The following NREP variants were observed in gnomAD, a reference collection of about 807,000 sequenced individuals.
NREP encodes neuronal regeneration-related protein.
In NREP, 5 loss-of-function variants were observed where a neutral mutation model predicts 8.6. The ratio of observed to expected loss-of-function variants is 0.58; its 90% confidence interval spans 0.30 to 1.22. NREP has a LOEUF of 1.22. NREP is among the 50% of genes most tolerant of loss of function. The probability of loss-of-function intolerance (pLI) is 0.07; values close to 1 mark genes in which losing one functional copy is unlikely to be tolerated. For missense variants in NREP, 86 were observed against 82.5 expected (o/e 1.04, Z -0.17); for synonymous variants, 27 against 28.0 (o/e 0.96, Z 0.11).
At chr5:111,883,231 A>G (rs1320611070) in intron 2 of NREP, among the ~76,000 whole-genome samples, 1 of 151,964 alleles carries the variant, frequency 6.6e-6, no homozygotes, top group Non-Finnish European at 1.5e-5. Flanking sequence ...AGACAAAGCC[A>G]TTACATAATG....
At chr5:111,828,677 GTTA>G (rs1294474580) in intron 2 of NREP, among the ~76,000 whole-genome samples, 4 of 151,984 alleles carry the variant, frequency 2.6e-5, no homozygotes, top group African/African-American at 4.8e-5. Context: ...GTGGAGTGGT[GTTA>G]TTATTAATAA....
At chr5:111,808,318 G>A (rs949470054) in intron 2 of NREP, among the ~76,000 whole-genome samples, 2 of 152,144 alleles carry the variant, frequency 1.3e-5, no homozygotes, top group African/African-American at 4.8e-5. Context: ...TCTATCTCAG[G>A]CAGAACTGTA....
At position 111,962,113 on chromosome 5, in the gene NREP, G is replaced by C. The variant is rs55706925; in HGVS notation, c.135+13161C>G. Among the ~76,000 whole-genome samples the C allele has an allele frequency of 6.2e-3, 941 of 152,272 alleles. 8 individuals carry two copies. Among genetic ancestry groups the C allele is most frequent in the South Asian group, 0.02 (98 of 4,830 alleles). On this transcript the variant is annotated intron_variant, in intron 2 of 3. Coordinates refer to the NREP transcript ENST00000395634. Reference sequence around the variant, plus strand: ...AAGCTCAGGTTGCCTAAATAGTTCAGTGCTGTAAATAGTTCAGTTCCAGTA... The same window carrying C: ...AAGCTCAGGTTGCCTAAATAGTTCACTGCTGTAAATAGTTCAGTTCCAGTA...
intron 2 of NREP, among the ~76,000 whole-genome samples, chr5:111,940,993 T>G (rs1160018048): frequency 6.6e-6 from 1 of 152,114 alleles, no homozygotes; most frequent in African/African-American, 2.4e-5. Flanking sequence ...AAAGTACATT[T>G]ATGTTTTATA....
At chr5:111,933,470 G>A (rs1755598581) in intron 2 of NREP, among the ~76,000 whole-genome samples, 1 of 152,054 alleles carries the variant, frequency 6.6e-6, no homozygotes, top group African/African-American at 2.4e-5. Flanking sequence ...ATTGCACCTT[G>A]GCCCTAGTGG....
At chr5:111,920,221 T>C (rs1755199168) in intron 2 of NREP, among the ~76,000 whole-genome samples, 1 of 152,146 alleles carries the variant, frequency 6.6e-6, no homozygotes, top group Non-Finnish European at 1.5e-5. Flanking sequence ...GTGACAACTT[T>C]GGACCATCAG....
At position 111,731,037 on chromosome 5, in the gene NREP, G is replaced by A. The variant is rs1181688089; in HGVS notation, c.91C>T (p.Pro31Ser). 1 of 1,613,770 alleles carries A rather than the reference G, an allele frequency of 6.2e-7. No homozygotes were observed. The highest frequency in any genetic ancestry group is 8.5e-7 in the Non-Finnish European group (1 of 1,179,794). Reference protein sequence around the residue: ...MEGRLPKGRLPVPKEVNRKKN... With the variant: ...MEGRLPKGRLSVPKEVNRKKN... ...TTGCGGTTCACTTCCTTTGGGACAG[G>A]AAGTCTTCCCTGCAAAGCAGGCAGA... The change falls in exon 4 of 4, where the codon CCT (proline) becomes TCT (serine). Residue 31 changes from proline to serine, a missense_variant. Pro to Ser is a moderately conservative substitution (Grantham distance 74, BLOSUM62 -1). Transcript: ENST00000257435.
intron 2 of NREP, among the ~76,000 whole-genome samples, chr5:111,778,088 G>C (rs965045435): frequency 6.6e-6 from 1 of 152,142 alleles, no homozygotes; most frequent in African/African-American, 2.4e-5. Flanking sequence ...ATAGGATTTA[G>C]TACAGAACAA....
At chr5:111,778,437 G>A (rs762234183) in intron 2 of NREP, among the ~76,000 whole-genome samples, 10 of 152,144 alleles carry the variant, frequency 6.6e-5, no homozygotes, top group Non-Finnish European at 1.3e-4. Flanking sequence ...AACAGTTAGT[G>A]AGTGTGGGGC....
At chr5:111,905,831 A>C (rs1476594987) in intron 2 of NREP, among the ~76,000 whole-genome samples, 2 of 152,108 alleles carry the variant, frequency 1.3e-5, no homozygotes, top group East Asian at 3.9e-4. Context: ...TGGTTTAATA[A>C]AATTAAATAC....
At chr5:111,759,340 C>A (rs974033429), upstream of NREP, among the ~76,000 whole-genome samples, 5 of 152,220 alleles carry the variant, frequency 3.3e-5, no homozygotes, top group Non-Finnish European at 7.3e-5. Flanking sequence ...CATACATACA[C>A]AGGGACTTTA....
intron 2 of NREP, among the ~76,000 whole-genome samples, chr5:111,855,266 G>C (rs1026838832): frequency 6.6e-6 from 1 of 152,134 alleles, no homozygotes; most frequent in African/African-American, 2.4e-5. Context: ...TTGGGACTTT[G>C]ATCAAGATAT....
intron 2 of NREP, among the ~76,000 whole-genome samples, chr5:111,888,066 G>A (rs1057192827): frequency 6.6e-6 from 1 of 152,190 alleles, no homozygotes; most frequent in Non-Finnish European, 1.5e-5. Context: ...CCTTAGAATG[G>A]GATCCTGAAG....
At chr5:111,953,803 T>C (rs974790046) in intron 2 of NREP, among the ~76,000 whole-genome samples, 51 of 152,018 alleles carry the variant, frequency 3.4e-4, no homozygotes, top group African/African-American at 1.2e-3. Context: ...AGAAGAATCA[T>C]CTCGGTTGAA....
In NREP at chr5:111,928,113, G is replaced by A. The variant is rs548596189; in HGVS notation, c.135+47161C>T. Among the ~76,000 whole-genome samples the A allele has an allele frequency of 7.9e-5, 12 of 152,112 alleles. No individual in the cohort carries two copies. In the South Asian group the frequency reaches 8.3e-4, roughly 11 times the overall value. ...GCACCATGGCCCACACCTGCTCCCC[G>A]CCACCCTGAGATCATATGGCATTCT... On this transcript the variant is annotated intron_variant, in intron 2 of 3. Coordinates refer to the NREP transcript ENST00000395634.
upstream of NREP, among the ~76,000 whole-genome samples, chr5:111,760,081 G>C (rs1367461102): frequency 6.6e-6 from 1 of 152,200 alleles, no homozygotes; most frequent in Non-Finnish European, 1.5e-5. Context: ...CTTCAGCTAA[G>C]ATGTCTCAAC....
chr5:111,888,375 G>A (rs1239533595), intron 2 of NREP, among the ~76,000 whole-genome samples: 1 of 152,074 alleles, frequency 6.6e-6, no homozygotes, highest in Non-Finnish European at 1.5e-5. Context: ...CAATCATGGT[G>A]GGAGGCAAAG....
chr5:111,862,979 C>T (rs1224983731), intron 2 of NREP, among the ~76,000 whole-genome samples: 2 of 150,684 alleles, frequency 1.3e-5, no homozygotes, highest in Non-Finnish European at 3.0e-5. Context: ...TATCTCGATA[C>T]TGCTTCTAAG....
At position 111,852,537 on chromosome 5, in the gene NREP, T is replaced by C. The variant is rs188918527; in HGVS notation, c.136-117030A>G. On this transcript the variant is annotated intron_variant, in intron 2 of 3. Transcript: ENST00000395634. Reference sequence around the variant, plus strand: ...ATTCTTCTTGTCAAATGAAGAGACATTTATGAAGTACCTATTATGAGCAAA... The same window carrying C: ...ATTCTTCTTGTCAAATGAAGAGACACTTATGAAGTACCTATTATGAGCAAA... 1.9e-3 allele frequency among the ~76,000 whole-genome samples: 291 copies of C among 152,246 alleles called. 1 individual carries two copies. Among genetic ancestry groups the C allele is most frequent in the African/African-American group, 6.7e-3 (278 of 41,548 alleles).
Sources: gnomAD v4.1 joint callset for allele counts (sites outside exome capture counted in the v4.1 genomes callset) on GRCh38, gnomAD v4.1.1 for gene constraint, MANE v1.5 for transcripts, NCBI Gene and HGNC (gene_info 2026-07-23, HGNC 2026-07-21) for gene names.